Variants in STARD6 observed in about 807,000 individuals in gnomAD.
STARD6 encodes the protein stAR-related lipid transfer protein 6.
STARD6 carries 21 observed loss-of-function variants against 22.3 expected under a neutral mutation model. The observed-to-expected ratio is 0.94, with a 90% confidence interval of 0.67 to 1.35. STARD6 has a LOEUF of 1.35. STARD6 is among the 40% of genes most tolerant of loss of function. The pLI is 0.00. For synonymous variants in STARD6, 80 were observed against 88.1 expected (o/e 0.91, Z 0.52); for missense variants, 269 against 266.9 (o/e 1.01, Z -0.05).
intron 5 of STARD6, 77 bp downstream of exon 5, chr18:54,337,048 A>G: frequency 2.3e-6 from 3 of 1,294,172 alleles, no homozygotes; most frequent in Admixed American, 2.2e-5. Context: ...TACATAACAT[A>G]GTTTTAATCA....
intron 3 of STARD6, 149 bp downstream of exon 3, chr18:54,354,335 C>A: frequency 1.4e-6 from 1 of 702,788 alleles, no homozygotes; most frequent in South Asian, 2.0e-5. Flanking sequence ...CTCAAGCAGT[C>A]CTCCTGTGTT....
At chr18:54,350,941 C>T (rs557969814) in intron 4 of STARD6, among the ~76,000 whole-genome samples, 1 of 152,034 alleles carries the variant, frequency 6.6e-6, no homozygotes, top group Non-Finnish European at 1.5e-5. Flanking sequence ...ATTCTTTTTG[C>T]TTAGTTTTGC....
At chr18:54,353,311 T>C (rs138191611) in intron 4 of STARD6, among the ~76,000 whole-genome samples, 3 of 152,296 alleles carry the variant, frequency 2.0e-5, no homozygotes, top group African/African-American at 7.2e-5. Context: ...GTACTTGTAT[T>C]TGAAATAATT....
In STARD6 at chr18:54,330,983, C is replaced by G. The variant is rs577212068; in HGVS notation, c.385+759G>C. Among the ~76,000 whole-genome samples, 4 of 152,046 alleles carry G rather than the reference C, an allele frequency of 2.6e-5. No individual in the cohort carries two copies. The East Asian group carries it at 7.7e-4, about 29-fold the overall frequency. On this transcript the variant is annotated intron_variant, in intron 6 of 7. Coordinates refer to ENST00000307844, the MANE Select transcript of STARD6 (RefSeq NM_139171.2). ...GTTTGAATGAGTGCTATGACTTAGT[C>G]TGAACTCTGAAATGTAGAGTACTAA... is the stretch of plus-strand genomic sequence containing the variant.
intron 2 of STARD6, among the ~76,000 whole-genome samples, chr18:54,355,442 T>C (rs1377771341): frequency 6.6e-6 from 1 of 152,088 alleles, no homozygotes; most frequent in African/African-American, 2.4e-5. Context: ...CCCAGGGTGA[T>C]ATTAGGAGAT....
At chr18:54,347,158 A>AT (rs1363644463) in intron 4 of STARD6, among the ~76,000 whole-genome samples, 8 of 152,138 alleles carry the variant, frequency 5.3e-5, no homozygotes, top group Non-Finnish European at 8.8e-5. Context: ...AATCTATTGC[A>AT]TAAAAACAAT....
intron 4 of STARD6, among the ~76,000 whole-genome samples, chr18:54,350,635 G>GATCC (rs1474116445): frequency 6.6e-6 from 1 of 152,064 alleles, no homozygotes; most frequent in African/African-American, 2.4e-5. Context: ...TTAAGTCTTT[G>GATCC]ATCCATCTTG....
intron 7 of STARD6, among the ~76,000 whole-genome samples, chr18:54,328,770 G>A (rs545197139): frequency 1.1e-4 from 16 of 152,098 alleles, no homozygotes; most frequent in African/African-American, 3.1e-4. Flanking sequence ...GATATACATT[G>A]AATTTGAGTA....
intron 7 of STARD6, among the ~76,000 whole-genome samples, chr18:54,325,786 G>A: frequency 6.6e-6 from 1 of 152,080 alleles, no homozygotes. Flanking sequence ...CTTGCCTCAA[G>A]CGATCCTCCC....
Position 54,337,256 on chromosome 18 carries a change from A to G in STARD6, c.141-5T>C, listed in dbSNP as rs1263227751. 1 of 1,604,992 alleles carries G rather than the reference A, an allele frequency of 6.2e-7. No individual in the cohort carries two copies. Among genetic ancestry groups the G allele is most frequent in the East Asian group, 2.2e-5 (1 of 44,702 alleles). On this transcript the variant is annotated splice_polypyrimidine_tract_variant and splice_region_variant and intron_variant, in intron 4 of 7. Transcript: ENST00000307844. ...ATTATCCCTTCAACACGATATCTAC[A>G]GTTAACAAAATAAAGAAAATTCAAA...
At chr18:54,352,464 T>C (rs573169831) in intron 4 of STARD6, among the ~76,000 whole-genome samples, 4 of 152,304 alleles carry the variant, frequency 2.6e-5, no homozygotes, top group Non-Finnish European at 4.4e-5. Flanking sequence ...CCTCCTTCAG[T>C]TGAGTCTTCA....
At chr18:54,337,898 C>T (rs1004092405) in intron 4 of STARD6, among the ~76,000 whole-genome samples, 1 of 152,082 alleles carries the variant, frequency 6.6e-6, no homozygotes, top group Admixed American at 6.5e-5. Flanking sequence ...AAACTAATAG[C>T]AACAAAGAAA....
intron 7 of STARD6, among the ~76,000 whole-genome samples, chr18:54,327,774 G>A (rs2088835915): frequency 1.3e-5 from 2 of 151,692 alleles, no homozygotes; most frequent in South Asian, 4.2e-4. Context: ...TAGTGTGAGC[G>A]TCCATTTTCT....
intron 7 of STARD6, among the ~76,000 whole-genome samples, chr18:54,326,666 T>C (rs1215468460): frequency 6.6e-6 from 1 of 151,340 alleles, no homozygotes; most frequent in Non-Finnish European, 1.5e-5. Flanking sequence ...TTTTTGATGA[T>C]AGGTTACTAC....
intron 4 of STARD6, among the ~76,000 whole-genome samples, chr18:54,345,810 A>C (rs1187830919): frequency 6.6e-6 from 1 of 152,184 alleles, no homozygotes; most frequent in Non-Finnish European, 1.5e-5. Context: ...TTGACAAAGG[A>C]GCCCAGACAA....
chr18:54,325,506 C>T (rs926234842), intron 7 of STARD6, among the ~76,000 whole-genome samples: 1 of 150,994 alleles, frequency 6.6e-6, no homozygotes, highest in African/African-American at 2.4e-5. Flanking sequence ...CTTTTGGCTA[C>T]TGTAAGTAAA....
intron 2 of STARD6, chr18:54,355,925 T>A (rs1433387778): frequency 1.3e-5 from 2 of 152,222 alleles, no homozygotes; most frequent in Non-Finnish European, 2.9e-5. Context: ...TTATTTTGGA[T>A]AAATTGCTTA....
chr18:54,353,067 C>A (rs2089112360), intron 4 of STARD6, among the ~76,000 whole-genome samples: 1 of 152,072 alleles, frequency 6.6e-6, no homozygotes, highest in Non-Finnish European at 1.5e-5. Context: ...TGGGAGAAAG[C>A]ATATCAGCTT....
At chr18:54,333,485 A>G (rs1286887999) in intron 5 of STARD6, among the ~76,000 whole-genome samples, 1 of 152,184 alleles carries the variant, frequency 6.6e-6, no homozygotes, top group African/African-American at 2.4e-5. Context: ...ATCAAACTGT[A>G]TGATTAGTAT....
Sources: allele counts gnomAD v4.1 joint callset (sites outside exome capture counted in the v4.1 genomes callset), GRCh38; gene constraint gnomAD v4.1.1; transcripts MANE v1.5; gene names NCBI Gene and HGNC (gene_info 2026-07-23, HGNC 2026-07-21).